The following NFIX variants were observed in gnomAD, a reference collection of about 807,000 sequenced individuals.
NFIX encodes nuclear factor I X, also known as nuclear factor 1 X-type.
In NFIX, 2 loss-of-function variants were observed where a neutral mutation model predicts 53.3. The ratio of observed to expected loss-of-function variants is 0.04; its 90% confidence interval spans 0.02 to 0.12. The LOEUF (loss-of-function observed/expected upper bound fraction) is 0.12, where lower values mean the gene tolerates loss of function less well. NFIX is among the 10% of genes least tolerant of loss of function. The probability of loss-of-function intolerance (pLI) is 1.00; values close to 1 mark genes in which losing one functional copy is unlikely to be tolerated. For synonymous variants in NFIX, 244 were observed against 289.0 expected (o/e 0.84, Z 1.58); for missense variants, 310 against 674.5 (o/e 0.46, Z 5.99).
rs996016037 is a variant in NFIX, at chr19:13,060,061, T to C, written c.560-12986T>C. Among the ~76,000 whole-genome samples, 6 of 152,222 alleles carry C rather than the reference T, an allele frequency of 3.9e-5. No individual in the cohort carries two copies. The highest frequency in any genetic ancestry group is 8.8e-5 in the Non-Finnish European group (6 of 68,024). ...CCTCAGCCTCTCAAAGTGCTGAGAT[T>C]ACAGGCATGAGCCACCGCACCCGGC... is the stretch of plus-strand genomic sequence containing the variant. On this transcript the variant is annotated intron_variant, in intron 2 of 10. Transcript: ENST00000592199. This position sits in a 1 kb window ranked among gnomAD's most constrained non-coding sequence, Gnocchi z 4.3.
chr19:13,014,890 G>C lies in NFIX; in HGVS notation c.28-10131G>C, dbSNP rs2012569861. ...TGGTGGTAGGGGGCTGGTGGTAGGC[G>C]AGGTGGCTGCGGTGGCCCTTCCGCC... is the stretch of plus-strand genomic sequence containing the variant. On this transcript the variant is annotated intron_variant, in intron 1 of 10. Transcript: ENST00000592199. This position sits in a 1 kb window ranked among gnomAD's most constrained non-coding sequence, Gnocchi z 4.4. Among the ~76,000 whole-genome samples the C allele has an allele frequency of 6.6e-6, 1 of 152,218 alleles. No homozygotes were observed. The highest frequency in any genetic ancestry group is 2.4e-5 in the African/African-American group (1 of 41,446).
Position 13,002,133 on chromosome 19 carries a change from C to T in NFIX, c.27+6269C>T, listed in dbSNP as rs546613118. 5.9e-5 allele frequency among the ~76,000 whole-genome samples: 9 copies of T among 152,216 alleles called. No individual in the cohort carries two copies. In the East Asian group the frequency reaches 9.7e-4, roughly 16 times the overall value. On this transcript the variant is annotated intron_variant, in intron 1 of 10. Transcript: ENST00000592199. This position sits in a 1 kb window ranked among gnomAD's most constrained non-coding sequence, Gnocchi z 6.1. ...CTGGGCCCCACACCCCTGGGCCACCCGCCATCCCTCCGAGGCTCTGAGGGC... is the reference window on the plus strand; with the variant it reads ...CTGGGCCCCACACCCCTGGGCCACCTGCCATCCCTCCGAGGCTCTGAGGGC...
Position 13,073,314 on chromosome 19 carries a change from G to A in NFIX, c.623-108G>A. On this transcript the variant is annotated intron_variant, in intron 3 of 10. Coordinates refer to ENST00000592199, the MANE Select transcript of NFIX (RefSeq NM_001365902.3). The surrounding 1 kb of genome is among the most constrained non-coding windows in gnomAD (Gnocchi z 4.5). ...TAGACCTGAGGGCTAGCCTGGAGCT[G>A]GAAACGGGACTTGGGAGGGAGAAGC... The A allele has an allele frequency of 9.3e-7, 1 of 1,074,914 alleles. No individual in the cohort carries two copies. Among genetic ancestry groups the A allele is most frequent in the East Asian group, 2.4e-5 (1 of 42,284 alleles). The allele number at this position is 1,074,914 out of a possible 1,614,324, so 66.6% of individuals were successfully genotyped here.
rs1324558807 is a variant in NFIX, at chr19:13,021,764, C to T, written c.28-3257C>T. On this transcript the variant is annotated intron_variant, in intron 1 of 10. Transcript: ENST00000592199. This position sits in a 1 kb window ranked among gnomAD's most constrained non-coding sequence, Gnocchi z 4.2. ...AGAGACCCCCTCAGAAGTGGGACTC[C>T]CCTACCCAGTGCTCACCCTTTCTGC... Among the ~76,000 whole-genome samples the T allele has an allele frequency of 6.6e-6, 1 of 152,030 alleles. No homozygotes were observed.
Position 13,028,705 on chromosome 19 carries a change from G to A in NFIX, c.559+3153G>A, listed in dbSNP as rs1418859420. 6.6e-6 allele frequency among the ~76,000 whole-genome samples: 1 copy of A among 152,176 alleles called. No homozygotes were observed. Among genetic ancestry groups the A allele is most frequent in the Non-Finnish European group, 1.5e-5 (1 of 68,018 alleles). ...GGGTCAGAGAGCACTGCCGTGGGGA[G>A]GAGGGTATCCATTTCCTGGTGATAT... is the stretch of plus-strand genomic sequence containing the variant. On this transcript the variant is annotated intron_variant, in intron 2 of 10. Transcript: ENST00000592199. The surrounding 1 kb of genome is among the most constrained non-coding windows in gnomAD (Gnocchi z 4.2).
chr19:13,030,681 T>G (rs2013733922), intron 2 of NFIX, among the ~76,000 whole-genome samples: 1 of 152,148 alleles, frequency 6.6e-6, no homozygotes. Flanking sequence ...GCCCTCTGGT[T>G]TGTTTTGGTC....
rs921506126 is a variant in NFIX, at chr19:13,001,713, C to T, written c.27+5849C>T. Among the ~76,000 whole-genome samples, 6 of 152,190 alleles carry T rather than the reference C, an allele frequency of 3.9e-5. No homozygotes were observed. The highest frequency in any genetic ancestry group is 3.9e-4 in the Admixed American group (6 of 15,284). ...CCCTCATATCACTGTGCCTCCTGAG[C>T]TTGTCCCCGTGACAATCACTGTGGG... On this transcript the variant is annotated intron_variant, in intron 1 of 10. Transcript: ENST00000592199. The surrounding 1 kb of genome is among the most constrained non-coding windows in gnomAD (Gnocchi z 6.5).
chr19:13,084,263 G>A (rs865806233), intron 8 of NFIX, among the ~76,000 whole-genome samples: 3 of 152,064 alleles, frequency 2.0e-5, no homozygotes, highest in East Asian at 1.9e-4. Context: ...TGGGCAACAC[G>A]GTAAAACCCC....
Position 12,998,986 on chromosome 19 carries a change from A to T in NFIX, c.27+3122A>T, listed in dbSNP as rs2011573416. ...ATAGCGACGAAGGCACATGGAGACC[A>T]CGACACCTCCCAGACTCATGGAGCC... On this transcript the variant is annotated intron_variant, in intron 1 of 10. Coordinates refer to ENST00000592199, the MANE Select transcript of NFIX (RefSeq NM_001365902.3). This position sits in a 1 kb window ranked among gnomAD's most constrained non-coding sequence, Gnocchi z 4.4. Among the ~76,000 whole-genome samples the T allele has an allele frequency of 6.6e-6, 1 of 152,042 alleles. No homozygotes were observed. The highest frequency in any genetic ancestry group is 2.1e-4 in the South Asian group (1 of 4,820).
intron 2 of NFIX, among the ~76,000 whole-genome samples, chr19:13,042,355 CTTTTTTTTT>C (rs35785662): frequency 3.0e-5 from 3 of 100,588 alleles, no homozygotes; most frequent in African/African-American, 1.1e-4. Flanking sequence ...CTTTTACATG[CTTTTTTTTT>C]TTTTTTTTTT....
chr19:13,036,779 T>C lies in NFIX; in HGVS notation c.559+11227T>C, dbSNP rs1167471294. Among the ~76,000 whole-genome samples the C allele has an allele frequency of 1.3e-5, 2 of 152,150 alleles. No individual in the cohort carries two copies. The highest frequency in any genetic ancestry group is 1.5e-5 in the Non-Finnish European group (1 of 68,020). ...ATAGCCACCAGCCCCACACCAAATA[T>C]GTGGTCACACCAGAGCCACCTTATA... On this transcript the variant is annotated intron_variant, in intron 2 of 10. Transcript: ENST00000592199. The surrounding 1 kb of genome is among the most constrained non-coding windows in gnomAD (Gnocchi z 4.7).
rs2015410514 is a variant in NFIX at position 13,052,824 on chromosome 19, ACAGGGACATTAATC to A, written c.560-20222_560-20209del. 6.6e-6 allele frequency among the ~76,000 whole-genome samples: 1 copy of A among 152,186 alleles called. No individual in the cohort carries two copies. The highest frequency in any genetic ancestry group is 1.5e-5 in the Non-Finnish European group (1 of 68,030). ...GACCAGAGGAGTGAGGATGATGAGG[ACAGGGACATTAATC>A]ACAGTTCTGTTCTGCCTGGCACTGC... On this transcript the variant is annotated intron_variant, in intron 2 of 10. Transcript: ENST00000592199. This position sits in a 1 kb window ranked among gnomAD's most constrained non-coding sequence, Gnocchi z 5.2.
In NFIX at chr19:13,002,043, G is replaced by T. The variant is rs117629240; in HGVS notation, c.27+6179G>T. 0.082 allele frequency among the ~76,000 whole-genome samples: 12,552 copies of T among 152,272 alleles called. 693 individuals carry two copies. The highest frequency in any genetic ancestry group is 0.12 in the Non-Finnish European group (8,432 of 68,000). ...TGTGTCCGTTCTAGCCTGGCCAGCT[G>T]GGTGTCCGGCTGTCTCCGTGGGCCT... On this transcript the variant is annotated intron_variant, in intron 1 of 10. Coordinates refer to ENST00000592199, the MANE Select transcript of NFIX (RefSeq NM_001365902.3). This position sits in a 1 kb window ranked among gnomAD's most constrained non-coding sequence, Gnocchi z 6.1.
rs1368994635 is a variant in NFIX at position 13,024,694 on chromosome 19, C to A, written c.28-327C>A. On this transcript the variant is annotated intron_variant, in intron 1 of 10. Coordinates refer to ENST00000592199, the MANE Select transcript of NFIX (RefSeq NM_001365902.3). The stretch of plus-strand genomic sequence containing the variant: ...GATACCAGCAGCGTGTGTGTGTGGA[C>A]GGCAACGTTGTCTGTGCGCGTGTGT... 4 of 1,536,112 alleles carry A rather than the reference C, an allele frequency of 2.6e-6. No individual in the cohort carries two copies. The African/African-American group carries it at 5.5e-5, about 21-fold the overall frequency.
At position 13,068,746 on chromosome 19, in the gene NFIX, C is replaced by T. The variant is rs1438738228; in HGVS notation, c.560-4301C>T. Among the ~76,000 whole-genome samples the T allele has an allele frequency of 6.6e-6, 1 of 152,272 alleles. No homozygotes were observed. The highest frequency in any genetic ancestry group is 1.5e-5 in the Non-Finnish European group (1 of 68,052). On this transcript the variant is annotated intron_variant, in intron 2 of 10. Coordinates refer to ENST00000592199, the MANE Select transcript of NFIX (RefSeq NM_001365902.3). The surrounding 1 kb of genome is among the most constrained non-coding windows in gnomAD (Gnocchi z 4.2). ...ATTGCCTGCTCCTTCGTAGCCCTCC[C>T]TTCCAGAAGCCTGCAAAGTGGCCAG...
At chr19:13,055,027 G>T (rs188852551) in intron 2 of NFIX, among the ~76,000 whole-genome samples, 1 of 151,984 alleles carries the variant, frequency 6.6e-6, no homozygotes, top group South Asian at 2.1e-4. Flanking sequence ...TTCTGGCCTC[G>T]TGATGGGTGG....
intron 2 of NFIX, among the ~76,000 whole-genome samples, chr19:13,029,893 G>T (rs778703790): frequency 3.9e-5 from 6 of 152,174 alleles, no homozygotes; most frequent in Non-Finnish European, 7.3e-5. Context: ...CTTCCTTGGC[G>T]GTGGAGGGCA....
chr19:13,018,492 G>A (rs1001272513), intron 1 of NFIX, among the ~76,000 whole-genome samples: 1 of 152,232 alleles, frequency 6.6e-6, no homozygotes, highest in African/African-American at 2.4e-5. Context: ...TTCCTGAGCA[G>A]AGGAAAACAG....
chr19:13,004,478 C>A (rs2011904998), intron 1 of NFIX, among the ~76,000 whole-genome samples: 1 of 152,172 alleles, frequency 6.6e-6, no homozygotes. Context: ...ACGAGAGCCA[C>A]ACCCCCACAC....
Sources: gnomAD v4.1 joint callset for allele counts (sites outside exome capture counted in the v4.1 genomes callset) on GRCh38, gnomAD v4.1.1 for gene constraint, Gnocchi (gnomAD v3.1) non-coding constraint, MANE v1.5 for transcripts, NCBI Gene and HGNC (gene_info 2026-07-23, HGNC 2026-07-21) for gene names.